CHURC1: variants seen among roughly 807,000 people sequenced by gnomAD.
CHURC1 encodes the protein churchill domain containing 1.
Under a neutral mutation model 15.4 loss-of-function variants are expected in CHURC1, and 12 were observed. That is an observed-to-expected ratio of 0.78 (90% confidence interval 0.50 to 1.27). CHURC1 has a LOEUF of 1.27. Among genes scored for constraint, CHURC1 ranks in the 50% most tolerant of loss-of-function variants. CHURC1 has a pLI of 0.00. For synonymous variants in CHURC1, 42 were observed against 47.5 expected (o/e 0.88, Z 0.48); for missense variants, 132 against 137.8 (o/e 0.96, Z 0.21).
In CHURC1 at chr14:64,933,265, TG is replaced by T; in HGVS notation, c.*1037del. The T allele has an allele frequency of 1.9e-6, 1 of 515,108 alleles. No individual in the cohort carries two copies. Among genetic ancestry groups the T allele is most frequent in the Non-Finnish European group, 2.5e-6 (1 of 399,608 alleles). The allele number at this position is 515,108 out of a possible 1,614,324, so 31.9% of individuals were successfully genotyped here. The stretch of plus-strand genomic sequence containing the variant: ...GAAGACATGACTGCTAGATGTAATG[TG>T]GTATCCTACATGGAATTATATACCA... On this transcript the variant is annotated 3_prime_UTR_variant, in exon 4 of 4. Transcript: ENST00000549115.
Position 64,933,896 on chromosome 14 carries a change from C to T in CHURC1, c.*1666C>T. 10 of 984,520 alleles carry T rather than the reference C, an allele frequency of 1.0e-5. No homozygotes were observed. The highest frequency in any genetic ancestry group is 1.2e-5 in the Non-Finnish European group (10 of 829,178). The allele number at this position is 984,520 out of a possible 1,614,324, so 61.0% of individuals were successfully genotyped here. A position where few individuals can be genotyped will look rare whatever the true frequency, so the allele number is the denominator to read the frequency against. On this transcript the variant is annotated 3_prime_UTR_variant, in exon 4 of 4. Coordinates refer to ENST00000549115, the MANE Select transcript of CHURC1 (RefSeq NM_001386928.1). The stretch of plus-strand genomic sequence containing the variant: ...AGAGCTTTTTAAGCACTTATTTAAT[C>T]CTCATTAACAAATTCATAAGGTAGG...
intron 3 of CHURC1, among the ~76,000 whole-genome samples, chr14:64,930,073 G>A (rs1361844599): frequency 6.6e-6 from 1 of 151,006 alleles, no homozygotes; most frequent in Admixed American, 6.6e-5. Context: ...GACTAATAGA[G>A]GAAGAGAGTA....
At chr14:64,929,915 A>T (rs909633866) in intron 3 of CHURC1, among the ~76,000 whole-genome samples, 6 of 143,128 alleles carry the variant, frequency 4.2e-5, no homozygotes, top group Non-Finnish European at 6.1e-5. Flanking sequence ...TCCTTTATTT[A>T]AAAAAAAAAC....
At chr14:64,916,813 C>G (rs1340728635) in intron 1 of CHURC1, among the ~76,000 whole-genome samples, 1 of 151,986 alleles carries the variant, frequency 6.6e-6, no homozygotes, top group Non-Finnish European at 1.5e-5. Flanking sequence ...CTCCTGACCT[C>G]GTGATCCACC....
intron 3 of CHURC1, 131 bp downstream of exon 3, chr14:64,926,211 C>CTTTTT (rs3033502): frequency 7.4e-5 from 14 of 187,938 alleles, no homozygotes; most frequent in South Asian, 4.4e-4. Context: ...GAGACTATGC[C>CTTTTT]TTTTTTTTTT....
chr14:64,916,326 A>T (rs1343621016), intron 1 of CHURC1, among the ~76,000 whole-genome samples: 1 of 152,372 alleles, frequency 6.6e-6, no homozygotes, highest in East Asian at 1.9e-4. Context: ...GAAGGGTCAC[A>T]TGAGAAAAAG....
chr14:64,930,853 A>C, intron 3 of CHURC1: 2 of 455,614 alleles, frequency 4.4e-6, no homozygotes, highest in Admixed American at 4.7e-5. Flanking sequence ...AGTATTTGAG[A>C]ACAGTAAAAG....
At chr14:64,917,114 AT>A (rs1883946259) in intron 1 of CHURC1, among the ~76,000 whole-genome samples, 1 of 152,234 alleles carries the variant, frequency 6.6e-6, no homozygotes, top group African/African-American at 2.4e-5. Context: ...TGGTGTAGGC[AT>A]GAGATAATGA....
Position 64,934,296 on chromosome 14 carries a change from C to A in CHURC1, c.*2066C>A. 1 of 463,024 alleles carries A rather than the reference C, an allele frequency of 2.2e-6. No homozygotes were observed. The highest frequency in any genetic ancestry group is 2.8e-6 in the Non-Finnish European group (1 of 352,758). 28.7% of individuals were successfully genotyped at this position (463,024 alleles called of 1,614,324 possible). A position where few individuals can be genotyped will look rare whatever the true frequency, so the allele number is the denominator to read the frequency against. On this transcript the variant is annotated 3_prime_UTR_variant, in exon 4 of 4. Coordinates refer to ENST00000549115, the MANE Select transcript of CHURC1 (RefSeq NM_001386928.1). ...CCGCGACAGGGAGGTTGTGATGAGC[C>A]AAGGTCATGCCACTGCACTCCAGCC...
chr14:64,917,673 C>T (rs1022370810), intron 1 of CHURC1, among the ~76,000 whole-genome samples: 1 of 152,080 alleles, frequency 6.6e-6, no homozygotes, highest in Non-Finnish European at 1.5e-5. Context: ...TGCAGTGAGC[C>T]ATGATCGTGC....
chr14:64,916,474 A>G (rs1167471403), intron 1 of CHURC1, among the ~76,000 whole-genome samples: 1 of 152,192 alleles, frequency 6.6e-6, no homozygotes, highest in Non-Finnish European at 1.5e-5. Context: ...TTTAAAGTTT[A>G]AAAAGATTTT....
intron 1 of CHURC1, among the ~76,000 whole-genome samples, chr14:64,918,475 A>G (rs897251883): frequency 1.2e-4 from 18 of 152,154 alleles, no homozygotes; most frequent in African/African-American, 3.9e-4. Flanking sequence ...AAGTGCAGTA[A>G]GAGCAGAAGC....
intron 1 of CHURC1, among the ~76,000 whole-genome samples, chr14:64,918,430 A>G (rs891360432): frequency 1.3e-5 from 2 of 152,196 alleles, no homozygotes; most frequent in Non-Finnish European, 2.9e-5. Flanking sequence ...GGATCCTTCC[A>G]ACTCTGGGGT....
chr14:64,933,469 G>T lies in CHURC1; in HGVS notation c.*1239G>T. ...TATAAACTGGCATTTAGGCCTCTCT[G>T]CCATTTAGTAGCAGTATAGTCATTA... On this transcript the variant is annotated 3_prime_UTR_variant, in exon 4 of 4. Transcript: ENST00000549115. The T allele has an allele frequency of 1.0e-6, 1 of 985,420 alleles. No individual in the cohort carries two copies. The highest frequency in any genetic ancestry group is 1.2e-6 in the Non-Finnish European group (1 of 829,920). The allele number at this position is 985,420 out of a possible 1,614,324, so 61.0% of individuals were successfully genotyped here.
rs572985538 is a variant in CHURC1 at position 64,922,349 on chromosome 14, C to T, written c.40-1642C>T. ...ATCCCAGCACTTTGGGAGGCCGAGA[C>T]GGGCAGATCACGAGGTCAGGAGATC... On this transcript the variant is annotated intron_variant, in intron 1 of 3. Coordinates refer to ENST00000549115, the MANE Select transcript of CHURC1 (RefSeq NM_001386928.1). Among the ~76,000 whole-genome samples, 320 of 151,888 alleles carry T rather than the reference C, an allele frequency of 2.1e-3. 1 individual carries two copies. Among genetic ancestry groups the T allele is most frequent in the African/African-American group, 7.2e-3 (300 of 41,408 alleles).
chr14:64,930,204 C>T (rs1482991813), intron 3 of CHURC1, among the ~76,000 whole-genome samples: 1 of 152,000 alleles, frequency 6.6e-6, no homozygotes, highest in Non-Finnish European at 1.5e-5. Context: ...AGGCCCTGCC[C>T]AGTTGGAGCC....
Position 64,934,508 on chromosome 14 carries a change from G to T in CHURC1, c.*2278G>T, listed in dbSNP as rs1214781596. The T allele has an allele frequency of 1.0e-6, 1 of 985,230 alleles. No individual in the cohort carries two copies. Among genetic ancestry groups the T allele is most frequent in the East Asian group, 1.1e-4 (1 of 8,836 alleles). 61.0% of individuals were successfully genotyped at this position (985,230 alleles called of 1,614,324 possible). A position where few individuals can be genotyped will look rare whatever the true frequency, so the allele number is the denominator to read the frequency against. On this transcript the variant is annotated 3_prime_UTR_variant, in exon 4 of 4. Coordinates refer to ENST00000549115, the MANE Select transcript of CHURC1 (RefSeq NM_001386928.1). ...GAAGAGGTTAAGAATATCAGTGACA[G>T]TACTCTGAGGCATCTGGGCATGTCA...
rs1374740623 is a variant in CHURC1 at position 64,933,134 on chromosome 14, A to T, written c.*904A>T. ...AGGAGAAAAACATCACACAAATTCC[A>T]ATTGAGAAGCATTCTTTAAAATACC... On this transcript the variant is annotated 3_prime_UTR_variant, in exon 4 of 4. Transcript: ENST00000549115. 3 of 154,260 alleles carry T rather than the reference A, an allele frequency of 1.9e-5. No homozygotes were observed. Among genetic ancestry groups the T allele is most frequent in the African/African-American group, 7.2e-5 (3 of 41,482 alleles). 9.6% of individuals were successfully genotyped at this position (154,260 alleles called of 1,614,324 possible).
At chr14:64,920,718 C>T (rs1884224175) in intron 1 of CHURC1, among the ~76,000 whole-genome samples, 1 of 152,216 alleles carries the variant, frequency 6.6e-6, no homozygotes, top group South Asian at 2.1e-4. Flanking sequence ...TCTGTGGATG[C>T]AGTCCAGTTC....
Sources: gnomAD v4.1 joint callset for allele counts (sites outside exome capture counted in the v4.1 genomes callset) on GRCh38, gnomAD v4.1.1 for gene constraint, MANE v1.5 for transcripts, NCBI Gene and HGNC (gene_info 2026-07-23, HGNC 2026-07-21) for gene names.